PTPRD: variants seen among roughly 807,000 people sequenced by gnomAD.
The protein encoded by PTPRD is protein tyrosine phosphatase receptor type D.
Under a neutral mutation model 214.5 loss-of-function variants are expected in PTPRD, and 34 were observed. That is an observed-to-expected ratio of 0.16 (90% CI 0.12 to 0.21). The LOEUF (loss-of-function observed/expected upper bound fraction) is 0.21, where lower values mean the gene tolerates loss of function less well. PTPRD is among the 10% of genes least tolerant of loss of function. PTPRD has a pLI of 1.00. For missense variants in PTPRD, 2,545 were observed against 2,398.7 expected (o/e 1.06, Z -1.27); for synonymous variants, 1,128 against 845.7 (o/e 1.33, Z -5.79).
At chr9:9,678,367 A>C (rs1258886311) in intron 7 of PTPRD, among the ~76,000 whole-genome samples, 1 of 152,062 alleles carries the variant, frequency 6.6e-6, no homozygotes, top group Non-Finnish European at 1.5e-5. Context: ...GTACCAAAAC[A>C]GAGATATAGA....
At chr9:9,329,009 G>C (rs533579166) in intron 9 of PTPRD, among the ~76,000 whole-genome samples, 2 of 151,902 alleles carry the variant, frequency 1.3e-5, no homozygotes, top group African/African-American at 2.4e-5. Flanking sequence ...ACTATGAGGA[G>C]AACACTTTTT....
chr9:9,334,730 C>T (rs1474820315), intron 9 of PTPRD, among the ~76,000 whole-genome samples: 1 of 151,828 alleles, frequency 6.6e-6, no homozygotes, highest in Non-Finnish European at 1.5e-5. Context: ...GCATTTAATA[C>T]ATATTAGTGT....
intron 5 of PTPRD, among the ~76,000 whole-genome samples, chr9:9,900,280 C>T (rs1166965792): frequency 6.6e-6 from 1 of 152,164 alleles, no homozygotes; most frequent in Non-Finnish European, 1.5e-5. Flanking sequence ...TTAGAAGAAG[C>T]CAGGCCACAT....
At chr9:10,395,256 C>T (rs188424755) in intron 2 of PTPRD, among the ~76,000 whole-genome samples, 5 of 151,546 alleles carry the variant, frequency 3.3e-5, no homozygotes, top group Middle Eastern at 3.4e-3. Context: ...CCCCCATCCC[C>T]CCACCCCACA....
At chr9:8,400,036 G>C (rs1290672370) in intron 36 of PTPRD, among the ~76,000 whole-genome samples, 2 of 147,004 alleles carry the variant, frequency 1.4e-5, no homozygotes, top group African/African-American at 5.1e-5. Context: ...TCTTGTCTTT[G>C]TTGTTGAATT....
At chr9:8,927,267 G>T (rs965755986) in intron 11 of PTPRD, among the ~76,000 whole-genome samples, 2 of 151,954 alleles carry the variant, frequency 1.3e-5, no homozygotes, top group Admixed American at 1.3e-4. Flanking sequence ...TACATGTGCA[G>T]AATGTGCAGG....
At chr9:9,839,479 G>T (rs2057736986) in intron 5 of PTPRD, among the ~76,000 whole-genome samples, 1 of 151,984 alleles carries the variant, frequency 6.6e-6, no homozygotes, top group African/African-American at 2.4e-5. Context: ...AAAATACCTA[G>T]GAATCCAACT....
At chr9:8,958,472 A>C (rs925797359) in intron 11 of PTPRD, among the ~76,000 whole-genome samples, 1 of 151,952 alleles carries the variant, frequency 6.6e-6, no homozygotes, top group Non-Finnish European at 1.5e-5. Flanking sequence ...CTTTTGCCCT[A>C]ATCTCTGGCC....
At chr9:9,371,713 A>G (rs951577546) in intron 9 of PTPRD, among the ~76,000 whole-genome samples, 13 of 151,932 alleles carry the variant, frequency 8.6e-5, no homozygotes, top group African/African-American at 2.9e-4. Context: ...TTAGGGTGTC[A>G]ATTTTAGATC....
At chr9:10,252,206 G>C (rs577541154) in intron 3 of PTPRD, among the ~76,000 whole-genome samples, 107 of 152,188 alleles carry the variant, frequency 7.0e-4, no homozygotes, top group African/African-American at 2.4e-3. Context: ...ATGAAACTTT[G>C]TGACAGCCTC....
chr9:10,581,543 C>A (rs769831890), intron 2 of PTPRD, among the ~76,000 whole-genome samples: 2 of 152,156 alleles, frequency 1.3e-5, no homozygotes, highest in Non-Finnish European at 2.9e-5. Context: ...CAGAAGTATT[C>A]ATAATTTCTG....
chr9:9,646,827 T>A (rs1240853258), intron 7 of PTPRD, among the ~76,000 whole-genome samples: 1 of 151,958 alleles, frequency 6.6e-6, no homozygotes, highest in Non-Finnish European at 1.5e-5. Context: ...CAACAATAAC[T>A]AAGAATAGAA....
intron 2 of PTPRD, among the ~76,000 whole-genome samples, chr9:10,580,870 A>T (rs1487342229): frequency 6.6e-6 from 1 of 152,128 alleles, no homozygotes; most frequent in Non-Finnish European, 1.5e-5. Context: ...GACACACATA[A>T]ATCTTAATAT....
intron 2 of PTPRD, among the ~76,000 whole-genome samples, chr9:10,446,748 A>T (rs2098802738): frequency 1.3e-5 from 2 of 152,140 alleles, no homozygotes; most frequent in African/African-American, 4.8e-5. Flanking sequence ...AGACTTTTGC[A>T]TATCAAAGGG....
chr9:10,453,379 G>A (rs1291725567), intron 2 of PTPRD, among the ~76,000 whole-genome samples: 2 of 151,590 alleles, frequency 1.3e-5, no homozygotes, highest in African/African-American at 4.8e-5. Flanking sequence ...ATATTGAACT[G>A]ATCTGTATGC....
At chr9:9,456,338 A>G (rs938458866) in intron 8 of PTPRD, among the ~76,000 whole-genome samples, 2 of 151,836 alleles carry the variant, frequency 1.3e-5, no homozygotes, top group African/African-American at 4.8e-5. Flanking sequence ...TTGATTAGGA[A>G]TAAAAAAATA....
At chr9:8,875,447 T>G (rs375304638) in intron 11 of PTPRD, among the ~76,000 whole-genome samples, 1 of 152,136 alleles carries the variant, frequency 6.6e-6, no homozygotes, top group Non-Finnish European at 1.5e-5. Context: ...ATAATCACAA[T>G]ACACTTAACT....
At chr9:10,101,272 G>A (rs2098549374) in intron 3 of PTPRD, among the ~76,000 whole-genome samples, 1 of 151,622 alleles carries the variant, frequency 6.6e-6, no homozygotes, top group South Asian at 2.1e-4. Flanking sequence ...GAATGAAGGT[G>A]TGGAAATTGA....
intron 7 of PTPRD, among the ~76,000 whole-genome samples, chr9:9,661,336 A>G (rs1296894812): frequency 6.6e-6 from 1 of 151,054 alleles, no homozygotes; most frequent in Non-Finnish European, 1.5e-5. Context: ...GAATTAAACT[A>G]ACTGTATATT....
Sources: allele counts gnomAD v4.1 joint callset (sites outside exome capture counted in the v4.1 genomes callset), GRCh38; gene constraint gnomAD v4.1.1; transcripts MANE v1.5; gene names NCBI Gene and HGNC (gene_info 2026-07-23, HGNC 2026-07-21).